CNTN5: variants seen among roughly 807,000 people sequenced by gnomAD.
The protein encoded by CNTN5 is contactin-5.
In CNTN5, 77 loss-of-function variants were observed where a neutral mutation model predicts 129.1. The observed-to-expected ratio is 0.60, with a 90% CI of 0.50 to 0.72. The LOEUF is 0.72. Among genes scored for constraint, CNTN5 ranks in the 30% least tolerant of loss-of-function variants. CNTN5 has a pLI of 0.00. For missense variants in CNTN5, 1,478 were observed against 1,328.8 expected, an observed-to-expected ratio of 1.11 and a Z score of -1.75; for synonymous variants, 509 against 465.6, an observed-to-expected ratio of 1.09 and a Z score of -1.20.
In CNTN5 at chr11:100,074,239, C is replaced by A; in HGVS notation, c.1525C>A (p.Pro509Thr). Reference sequence around the variant, plus strand: ...CATAGAGTGCAAACCCCAAGGCTCTCCAAAACCAACCATCTCTTGGAAGAA... The same window carrying A: ...CATAGAGTGCAAACCCCAAGGCTCTACAAAACCAACCATCTCTTGGAAGAA... ...VVIECKPQGS[P>T]KPTISWKKGD... is the part of the protein sequence containing the mutation. Residue 509 changes from proline to threonine, a missense_variant, in exon 13 of 25, where the codon CCA (proline) becomes ACA (threonine). Pro to Thr is a conservative substitution (Grantham distance 38, BLOSUM62 -1). Transcript: ENST00000524871. 6.2e-7 allele frequency: 1 copy of A among 1,611,016 alleles called. No individual in the cohort carries two copies. The highest frequency in any genetic ancestry group is 8.5e-7 in the Non-Finnish European group (1 of 1,178,334).
At chr11:99,918,568 C>A (rs745731015) in intron 7 of CNTN5, among the ~76,000 whole-genome samples, 1 of 152,182 alleles carries the variant, frequency 6.6e-6, no homozygotes, top group Non-Finnish European at 1.5e-5. Context: ...AGAAAATAAC[C>A]TCCACAAGCT....
chr11:99,658,750 C>T (rs140720238), intron 3 of CNTN5, among the ~76,000 whole-genome samples: 5,067 of 149,096 alleles, frequency 0.034, 114 homozygotes, highest in South Asian at 0.065. Flanking sequence ...TAGCCAGGCG[C>T]GGTGGCACAT....
At chr11:99,382,514 C>T (rs1385974002) in intron 2 of CNTN5, among the ~76,000 whole-genome samples, 1 of 152,112 alleles carries the variant, frequency 6.6e-6, no homozygotes, top group Admixed American at 6.6e-5. Flanking sequence ...ACAATAGTTC[C>T]TATTTTCTTT....
chr11:99,212,196 G>A lies in CNTN5; in HGVS notation c.-209-113150G>A, dbSNP rs183013237. 4.0e-3 allele frequency among the ~76,000 whole-genome samples: 602 copies of A among 152,250 alleles called. 2 individuals carry two copies. Among genetic ancestry groups the A allele is most frequent in the Non-Finnish European group, 7.2e-3 (488 of 68,016 alleles). On this transcript the variant is annotated intron_variant, in intron 1 of 24. Coordinates refer to ENST00000524871, the MANE Select transcript of CNTN5 (RefSeq NM_014361.4). ...GTTGCACGTGTTCTGGGAATCAAGC[G>A]AGGAAGATAGCAGATCACATCACCA...
At chr11:100,092,022 T>C (rs61908110) in intron 13 of CNTN5, among the ~76,000 whole-genome samples, 19,458 of 152,104 alleles carry the variant, frequency 0.13, 1,572 homozygotes, top group East Asian at 0.31. Flanking sequence ...TCTGAATTTC[T>C]TTGAAAAAAT....
At chr11:100,029,385 A>T (rs1941589809) in intron 9 of CNTN5, among the ~76,000 whole-genome samples, 1 of 151,846 alleles carries the variant, frequency 6.6e-6, no homozygotes, top group African/African-American at 2.4e-5. Context: ...GATCGAGACC[A>T]TCCTGGCTAA....
At chr11:99,143,514 C>T (rs1049623630) in intron 1 of CNTN5, among the ~76,000 whole-genome samples, 1 of 126,922 alleles carries the variant, frequency 7.9e-6, no homozygotes, top group Non-Finnish European at 1.6e-5. Flanking sequence ...CAATGGGATC[C>T]TAGAGACAAA....
intron 1 of CNTN5, among the ~76,000 whole-genome samples, chr11:99,115,034 G>GA (rs1857978509): frequency 6.6e-6 from 1 of 152,148 alleles, no homozygotes; most frequent in Non-Finnish European, 1.5e-5. Context: ...GGTTACACTG[G>GA]AAAAGGGGTC....
At chr11:100,070,599 T>C (rs375847065) in intron 11 of CNTN5, 39 bp downstream of exon 11, 5 of 1,602,688 alleles carry the variant, frequency 3.1e-6, no homozygotes, top group Non-Finnish European at 4.3e-6. Flanking sequence ...GCTGTAATTT[T>C]AGCGAGATTT....
chr11:99,315,921 G>A (rs1373095292), intron 1 of CNTN5, among the ~76,000 whole-genome samples: 4 of 150,172 alleles, frequency 2.7e-5, no homozygotes, highest in Admixed American at 1.3e-4. Flanking sequence ...AAATTATAGA[G>A]TCGATAGAAT....
intron 16 of CNTN5, among the ~76,000 whole-genome samples, chr11:100,240,094 TCA>T (rs1327266119): frequency 2.6e-5 from 4 of 152,196 alleles, no homozygotes; most frequent in African/African-American, 9.6e-5. Flanking sequence ...AAACTTCAGC[TCA>T]CAGATGTTAA....
chr11:99,130,279 C>G lies in CNTN5; in HGVS notation c.-210+109009C>G, dbSNP rs540142803. 3.3e-5 allele frequency among the ~76,000 whole-genome samples: 5 copies of G among 152,092 alleles called. No homozygotes were observed. In the South Asian group the frequency reaches 1.0e-3, roughly 32 times the overall value. ...AAAAGATGGAGGGAGATTTACCAAACAAATAGAAAGAAGAAAAAAACAGGA... is the reference window on the plus strand; with the variant it reads ...AAAAGATGGAGGGAGATTTACCAAAGAAATAGAAAGAAGAAAAAAACAGGA... On this transcript the variant is annotated intron_variant, in intron 1 of 24. Transcript: ENST00000524871.
At chr11:99,686,315 C>T (rs530287050) in intron 3 of CNTN5, among the ~76,000 whole-genome samples, 1 of 152,020 alleles carries the variant, frequency 6.6e-6, no homozygotes, top group South Asian at 2.1e-4. Context: ...AATGGAACTG[C>T]TGTTGATGAA....
At chr11:100,220,430 GA>G (rs1362069744) in intron 15 of CNTN5, among the ~76,000 whole-genome samples, 1 of 152,004 alleles carries the variant, frequency 6.6e-6, no homozygotes, top group Non-Finnish European at 1.5e-5. Context: ...ATAAGATTTA[GA>G]AAACTAAAAA....
At chr11:99,617,832 C>T (rs75987178) in intron 3 of CNTN5, among the ~76,000 whole-genome samples, 10,547 of 152,090 alleles carry the variant, frequency 0.069, 392 homozygotes, top group East Asian at 0.11. Flanking sequence ...AACAGTTCAT[C>T]TATAGTGCCC....
At chr11:100,279,841 T>C (rs1385201979) in intron 18 of CNTN5, among the ~76,000 whole-genome samples, 1 of 151,732 alleles carries the variant, frequency 6.6e-6, no homozygotes, top group Non-Finnish European at 1.5e-5. Flanking sequence ...ATTTTGGGTT[T>C]GGTTTACTCT....
At chr11:99,127,246 A>T (rs1050930443) in intron 1 of CNTN5, among the ~76,000 whole-genome samples, 2 of 152,204 alleles carry the variant, frequency 1.3e-5, no homozygotes, top group Non-Finnish European at 2.9e-5. Flanking sequence ...AAGTAAATTT[A>T]AAAATGTATT....
intron 7 of CNTN5, among the ~76,000 whole-genome samples, chr11:99,935,616 A>C (rs1419696318): frequency 6.6e-6 from 1 of 152,066 alleles, no homozygotes; most frequent in African/African-American, 2.4e-5. Flanking sequence ...TATTATATAC[A>C]TATATGTAAT....
At chr11:99,171,584 C>G (rs1195106491) in intron 1 of CNTN5, among the ~76,000 whole-genome samples, 2 of 152,132 alleles carry the variant, frequency 1.3e-5, no homozygotes, top group African/African-American at 4.8e-5. Flanking sequence ...ATTTCTGAGT[C>G]AGCTGAAGTA....
Sources: allele counts gnomAD v4.1 joint callset (sites outside exome capture counted in the v4.1 genomes callset), GRCh38; gene constraint gnomAD v4.1.1; transcripts MANE v1.5; gene names NCBI Gene and HGNC (gene_info 2026-07-23, HGNC 2026-07-21).